The following NAV3 variants were observed in gnomAD, a reference collection of about 807,000 sequenced individuals.
The protein encoded by NAV3 is neuron navigator 3.
A neutral mutation model predicts 244.7 loss-of-function variants in NAV3; 87 were observed. That is an observed-to-expected ratio of 0.36 (90% CI 0.30 to 0.42). The LOEUF (loss-of-function observed/expected upper bound fraction) is 0.42, where lower values mean the gene tolerates loss of function less well. Ranked by LOEUF, NAV3 falls within the 20% of genes least tolerant of loss-of-function variation. The pLI, the probability that NAV3 is intolerant of heterozygous loss-of-function variation, is 1.00. For missense variants in NAV3, 2,663 were observed against 2,893.3 expected (o/e 0.92, Z 1.83); for synonymous variants, 1,126 against 1,042.2 (o/e 1.08, Z -1.55).
chr12:77,746,044 G>A (rs915105162), intron 2 of NAV3, among the ~76,000 whole-genome samples: 2 of 149,562 alleles, frequency 1.3e-5, no homozygotes, highest in Non-Finnish European at 3.0e-5. Flanking sequence ...GTAAATTATG[G>A]TAACCTGATG....
At chr12:77,820,063 T>C (rs954208818) in intron 2 of NAV3, among the ~76,000 whole-genome samples, 2 of 149,112 alleles carry the variant, frequency 1.3e-5, no homozygotes, top group African/African-American at 4.9e-5. Context: ...GTGAGGTCAG[T>C]AGAGAATAAA....
intron 12 of NAV3, among the ~76,000 whole-genome samples, chr12:78,090,491 A>T (rs1953868967): frequency 6.6e-6 from 1 of 152,048 alleles, no homozygotes; most frequent in Non-Finnish European, 1.5e-5. Flanking sequence ...GTCTTAAATG[A>T]TTCCAAGTTC....
chr12:77,937,009 C>T (rs1413992136), intron 1 of NAV3, among the ~76,000 whole-genome samples: 1 of 151,842 alleles, frequency 6.6e-6, no homozygotes, highest in Non-Finnish European at 1.5e-5. Flanking sequence ...AATATTTCAC[C>T]ATCTAGATTA....
intron 12 of NAV3, among the ~76,000 whole-genome samples, chr12:78,111,387 C>A (rs1350308017): frequency 6.6e-6 from 1 of 151,730 alleles, no homozygotes; most frequent in Non-Finnish European, 1.5e-5. Context: ...CACTAAAATC[C>A]AAAAAATTAG....
intron 2 of NAV3, among the ~76,000 whole-genome samples, chr12:77,616,728 GCGCA>G (rs1412556056): frequency 6.7e-6 from 1 of 148,826 alleles, no homozygotes; most frequent in Admixed American, 6.6e-5. Flanking sequence ...ACACACAGGC[GCGCA>G]CACACACACA....
chr12:77,612,391 A>G (rs1251887915), intron 2 of NAV3, among the ~76,000 whole-genome samples: 1 of 152,146 alleles, frequency 6.6e-6, no homozygotes, highest in Non-Finnish European at 1.5e-5. Flanking sequence ...AGGTACTTGA[A>G]GGCAAATGAT....
chr12:78,077,842 G>A (rs1279388971), intron 12 of NAV3, among the ~76,000 whole-genome samples: 1 of 152,232 alleles, frequency 6.6e-6, no homozygotes, highest in African/African-American at 2.4e-5. Flanking sequence ...GAGGGCTGAG[G>A]CAGGAGAATC....
chr12:77,894,468 G>A (rs543771228), intron 1 of NAV3, among the ~76,000 whole-genome samples: 165 of 151,372 alleles, frequency 1.1e-3, no homozygotes, highest in African/African-American at 3.7e-3. Flanking sequence ...TAAAAGTTTC[G>A]AGTTTAAAAA....
intron 13 of NAV3, among the ~76,000 whole-genome samples, chr12:78,117,791 GA>G (rs1488806639): frequency 7.9e-5 from 12 of 152,150 alleles, no homozygotes; most frequent in African/African-American, 2.6e-4. Flanking sequence ...ATTTGATATA[GA>G]AAATTTCTAC....
At chr12:78,159,677 A>G (rs1466882952) in intron 23 of NAV3, among the ~76,000 whole-genome samples, 1 of 152,048 alleles carries the variant, frequency 6.6e-6, no homozygotes, top group East Asian at 1.9e-4. Flanking sequence ...TAATAATAAT[A>G]AAATAATATT....
At chr12:77,583,353 G>A (rs956570216) in intron 2 of NAV3, among the ~76,000 whole-genome samples, 8 of 152,102 alleles carry the variant, frequency 5.3e-5, no homozygotes, top group African/African-American at 1.9e-4. Flanking sequence ...AACAGTTGCT[G>A]GTATTGGCAA....
intron 7 of NAV3, 124 bp downstream of exon 7, chr12:77,998,600 A>C: frequency 9.8e-7 from 1 of 1,025,392 alleles, no homozygotes; most frequent in Non-Finnish European, 1.4e-6. Context: ...GAGTTTCTTT[A>C]TGTTTCCTAA....
At chr12:77,713,941 A>T (rs1174968975) in intron 2 of NAV3, among the ~76,000 whole-genome samples, 1 of 152,136 alleles carries the variant, frequency 6.6e-6, no homozygotes, top group Admixed American at 6.6e-5. Flanking sequence ...AATAAACATT[A>T]GTTGCTAATA....
At chr12:77,682,382 T>G (rs1874513526) in intron 2 of NAV3, among the ~76,000 whole-genome samples, 1 of 152,150 alleles carries the variant, frequency 6.6e-6, no homozygotes, top group Non-Finnish European at 1.5e-5. Context: ...AGGTATTACA[T>G]TTTCTTTATT....
chr12:77,912,800 TG>T (rs1394666866), intron 1 of NAV3, among the ~76,000 whole-genome samples: 1 of 149,854 alleles, frequency 6.7e-6, no homozygotes, highest in Non-Finnish European at 1.5e-5. Flanking sequence ...TTACTAGAGA[TG>T]GGGTTTCACC....
chr12:77,837,393 A>G (rs1309975253), intron 1 of NAV3, among the ~76,000 whole-genome samples: 8 of 152,090 alleles, frequency 5.3e-5, no homozygotes, highest in Non-Finnish European at 1.0e-4. Flanking sequence ...ATTTAGGAGA[A>G]ATCATTGCAG....
At chr12:77,572,783 A>C (rs1333731839) in intron 2 of NAV3, among the ~76,000 whole-genome samples, 5 of 152,246 alleles carry the variant, frequency 3.3e-5, no homozygotes, top group Non-Finnish European at 1.5e-5. Context: ...TTGATTCTAC[A>C]TGATGTCAAA....
chr12:77,739,325 A>G (rs1029960625), intron 2 of NAV3, among the ~76,000 whole-genome samples: 1 of 152,226 alleles, frequency 6.6e-6, no homozygotes, highest in African/African-American at 2.4e-5. Context: ...TTTAAAAAAG[A>G]TAGTATATAT....
At chr12:77,588,515 A>T (rs1250211517) in intron 2 of NAV3, among the ~76,000 whole-genome samples, 3 of 152,108 alleles carry the variant, frequency 2.0e-5, no homozygotes, top group Admixed American at 6.5e-5. Flanking sequence ...GTGCTTTCTC[A>T]TACTGGTGTT....
Sources: allele counts gnomAD v4.1 joint callset (sites outside exome capture counted in the v4.1 genomes callset), GRCh38; gene constraint gnomAD v4.1.1; transcripts MANE v1.5; gene names NCBI Gene and HGNC (gene_info 2026-07-23, HGNC 2026-07-21).